Variants in MACF1 observed in about 807,000 individuals in gnomAD.
The protein encoded by MACF1 is microtubule actin crosslinking factor 1.
MACF1 carries 193 observed loss-of-function variants against 854.8 expected under a neutral mutation model. That is an observed-to-expected ratio of 0.23 (90% CI 0.20 to 0.25). The LOEUF is 0.25. Ranked by LOEUF, MACF1 falls within the 10% of genes least tolerant of loss-of-function variation. MACF1 has a pLI of 1.00. For synonymous variants in MACF1, 3,185 were observed against 3,226.7 expected, an observed-to-expected ratio of 0.99 and a Z score of 0.44; for missense variants, 7,722 against 8,929.1, an observed-to-expected ratio of 0.86 and a Z score of 5.45.
At chr1:39,370,511 T>G (rs1476345072) in intron 51 of MACF1, among the ~76,000 whole-genome samples, 55 of 152,218 alleles carry the variant, frequency 3.6e-4, no homozygotes, top group Non-Finnish European at 4.4e-5. Flanking sequence ...GGAAGGTACC[T>G]TCAAGGATGG....
In MACF1 at chr1:39,460,870, T is replaced by A; in HGVS notation, c.21523+76T>A. 1 of 1,531,060 alleles carries A rather than the reference T, an allele frequency of 6.5e-7. No homozygotes were observed. The highest frequency in any genetic ancestry group is 9.0e-7 in the Non-Finnish European group (1 of 1,111,292). The allele number at this position is 1,531,060 out of a possible 1,614,324, so 94.8% of individuals were successfully genotyped here. Reference sequence around the variant, plus strand: ...TTTGTAGAAGCTGTGATATTCTAGCTAAACAGTCTTTCTGAAGCTGGCCAG... The same window carrying A: ...TTTGTAGAAGCTGTGATATTCTAGCAAAACAGTCTTTCTGAAGCTGGCCAG... On this transcript the variant is annotated intron_variant, in intron 92 of 100. Coordinates refer to ENST00000564288, the MANE Select transcript of MACF1 (RefSeq NM_001394062.1). The surrounding 1 kb of genome is among the most constrained non-coding windows in gnomAD (Gnocchi z 4.1).
chr1:39,105,571 G>T lies in MACF1; in HGVS notation c.220+21133G>T. The stretch of plus-strand genomic sequence containing the variant: ...TGGGGCCGCCGCCGCCTCAGCGCGC[G>T]GGCCTGGAACCGGCAGCCCCCGGGG... On this transcript the variant is annotated intron_variant, in intron 2 of 93. Coordinates refer to the MACF1 transcript ENST00000361689. The surrounding 1 kb of genome is among the most constrained non-coding windows in gnomAD (Gnocchi z 5.9). 9.0e-7 allele frequency: 1 copy of T among 1,117,246 alleles called. No homozygotes were observed. The highest frequency in any genetic ancestry group is 1.1e-6 in the Non-Finnish European group (1 of 907,122). The allele number at this position is 1,117,246 out of a possible 1,614,324, so 69.2% of individuals were successfully genotyped here.
intron 56 of MACF1, among the ~76,000 whole-genome samples, chr1:39,384,779 C>G (rs1293720521): frequency 6.6e-6 from 1 of 152,174 alleles, no homozygotes; most frequent in Admixed American, 6.5e-5. Context: ...ATCCAGTGTT[C>G]TGAACTCCCA....
intron 58 of MACF1, among the ~76,000 whole-genome samples, chr1:39,414,703 A>C (rs1643220802): frequency 6.6e-6 from 1 of 152,268 alleles, no homozygotes; most frequent in South Asian, 2.1e-4. Flanking sequence ...CAGATAAGCC[A>C]ATCCCACGGA....
chr1:39,473,461 T>C (rs1644815682), intron 97 of MACF1, among the ~76,000 whole-genome samples: 1 of 152,220 alleles, frequency 6.6e-6, no homozygotes, highest in Non-Finnish European at 1.5e-5. Context: ...ATAGTAGGTG[T>C]TGGCAGTCAC....
Position 39,297,599 on chromosome 1 carries a change from CCTTA to C in MACF1, c.2356-17_2356-14del, listed in dbSNP as rs1557572122. ...TTCTAATGTTTTGAGCAGAAGGCAT[CCTTA>C]CTTTGTATTCCCATAGTTCTTCAGT... On this transcript the variant is annotated splice_polypyrimidine_tract_variant and intron_variant, in intron 20 of 100. Coordinates refer to ENST00000564288, the MANE Select transcript of MACF1 (RefSeq NM_001394062.1). 1 of 1,613,926 alleles carries C rather than the reference CCTTA, an allele frequency of 6.2e-7. No homozygotes were observed. The highest frequency in any genetic ancestry group is 1.7e-5 in the Admixed American group (1 of 60,020).
chr1:39,249,902 T>C, intron 2 of MACF1, 112 bp from the exon 3 acceptor site: 1 of 573,664 alleles, frequency 1.7e-6, no homozygotes, highest in Non-Finnish European at 3.1e-6. Flanking sequence ...TAATTGTTGC[T>C]TCCACTTTTA....
chr1:39,441,271 A>T lies in MACF1; in HGVS notation c.18618A>T (p.Leu6206=). The stretch of plus-strand genomic sequence containing the variant: ...TAAACAAAACATGGAAAGAGAGGCT[A>T]GAAAAACTTGAGGATGCTATGCAAG... ...ENLNKTWKER[L]EKLEDAMQAA... is the part of the protein sequence containing the mutation. The change falls in exon 74 of 101, where the codon CTA becomes CTT. Residue 6206 remains leucine (L), a synonymous_variant. Transcript: ENST00000564288. 6.2e-7 allele frequency: 1 copy of T among 1,614,182 alleles called. No individual in the cohort carries two copies. The highest frequency in any genetic ancestry group is 1.3e-5 in the African/African-American group (1 of 75,066).
intron 74 of MACF1, among the ~76,000 whole-genome samples, 172 bp downstream of exon 74, chr1:39,441,497 G>A (rs1330463222): frequency 1.3e-5 from 2 of 152,162 alleles, no homozygotes; most frequent in African/African-American, 2.4e-5. Context: ...AAAAAGTAGC[G>A]ACATCTGTCT....
chr1:39,122,634 C>T (rs1318872894), intron 2 of MACF1, among the ~76,000 whole-genome samples: 2 of 152,104 alleles, frequency 1.3e-5, no homozygotes, highest in African/African-American at 4.8e-5. Context: ...GGATTAAACC[C>T]AGTTGAAATC....
Position 39,358,677 on chromosome 1 carries a change from C to T in MACF1, c.11944-20C>T. The T allele has an allele frequency of 6.2e-7, 1 of 1,611,762 alleles. No homozygotes were observed. The highest frequency in any genetic ancestry group is 8.5e-7 in the Non-Finnish European group (1 of 1,179,390). ...GCCTGACCTTGCTTAAGTCTGCTTA[C>T]CTTTCTTTCTCTGGCACAGTGTACA... is the stretch of plus-strand genomic sequence containing the variant. On this transcript the variant is annotated intron_variant, in intron 45 of 100. Coordinates refer to ENST00000564288, the MANE Select transcript of MACF1 (RefSeq NM_001394062.1).
chr1:39,315,752 AG>A, intron 27 of MACF1, 61 bp downstream of exon 27: 2 of 1,508,690 alleles, frequency 1.3e-6, no homozygotes, highest in Non-Finnish European at 1.8e-6. Context: ...AGAAAGAGAA[AG>A]GCTTAAAGTA....
At chr1:39,451,579 A>G (rs1456742610) in intron 85 of MACF1, among the ~76,000 whole-genome samples, 3 of 152,074 alleles carry the variant, frequency 2.0e-5, no homozygotes, top group African/African-American at 7.2e-5. Context: ...TCTGAACCTA[A>G]CAATCCTAAC....
rs1643932126 is a variant in MACF1 at position 39,434,606 on chromosome 1, C to T, written c.17758C>T (p.Leu5920Phe). 7 of 1,614,098 alleles carry T rather than the reference C, an allele frequency of 4.3e-6. No homozygotes were observed. The highest frequency in any genetic ancestry group is 5.9e-6 in the Non-Finnish European group (7 of 1,179,986). ...CTCTCCAGCCATTGATCATGAGCAGCTCAGGCAGCAACAAGAGGAAATGAG... is the reference window on the plus strand; with the variant it reads ...CTCTCCAGCCATTGATCATGAGCAGTTCAGGCAGCAACAAGAGGAAATGAG... The part of the protein sequence containing the change: ...LPSPAIDHEQ[L>F]RQQQEEMRQL... Residue 5920 changes from leucine (L) to phenylalanine (F), a missense_variant, in exon 69 of 101, where the codon CTC becomes TTC. Leu to Phe is a conservative substitution (Grantham distance 22). Around this residue, in one of 15 missense-constraint regions of MACF1, gnomAD observed 2,807 missense variants for 3,235.8 expected, o/e 0.87. Coordinates refer to ENST00000564288, the MANE Select transcript of MACF1 (RefSeq NM_001394062.1).
At chr1:39,287,072 T>C (rs944139192) in intron 14 of MACF1, among the ~76,000 whole-genome samples, 3 of 151,946 alleles carry the variant, frequency 2.0e-5, no homozygotes, top group Admixed American at 2.0e-4. Context: ...GCAATTCTCC[T>C]ACCTCAGCCT....
chr1:39,437,653 G>T (rs1644010584), intron 70 of MACF1, 124 bp from the exon 71 acceptor site: 2 of 845,074 alleles, frequency 2.4e-6, no homozygotes, highest in African/African-American at 1.7e-5. Flanking sequence ...AATAGCCATT[G>T]GGCTAAACTG....
chr1:39,103,220 C>A, intron 2 of MACF1: 1 of 349,790 alleles, frequency 2.9e-6, no homozygotes, highest in South Asian at 2.3e-5. Context: ...GGACTCTTCC[C>A]CTTTTTGCCC....
Position 39,334,079 on chromosome 1 carries a change from G to C in MACF1, c.7491G>C (p.Leu2497Phe), listed in dbSNP as rs1399831678. Residue 2497 changes from leucine to phenylalanine, a missense_variant, in exon 37 of 101, where the codon TTG becomes TTC. This residue lies in a region of MACF1 where 1,531 missense variants were observed against 1,601.6 expected (regional missense o/e 0.96). Coordinates refer to ENST00000564288, the MANE Select transcript of MACF1 (RefSeq NM_001394062.1). ...GLLEREEAVRLLTKQVVDGGI... is the reference protein window; with the variant it reads ...GLLEREEAVRFLTKQVVDGGI... ...TGGAGAGAGAGGAGGCCGTTCGTTT[G>C]TTGACTAAGCAAGTGGTAGATGGAG... 1 of 1,614,170 alleles carries C rather than the reference G, an allele frequency of 6.2e-7. No individual in the cohort carries two copies. Among genetic ancestry groups the C allele is most frequent in the Non-Finnish European group, 8.5e-7 (1 of 1,180,024 alleles).
intron 4 of MACF1, among the ~76,000 whole-genome samples, chr1:39,253,921 G>A (rs769991031): frequency 6.6e-6 from 1 of 152,184 alleles, no homozygotes; most frequent in Non-Finnish European, 1.5e-5. Context: ...CTCTACGATA[G>A]CATTTAACTG....
Sources: allele counts gnomAD v4.1 joint callset (sites outside exome capture counted in the v4.1 genomes callset), GRCh38; gene constraint gnomAD v4.1.1; regional missense constraint gnomAD v4.1.1; non-coding constraint Gnocchi (gnomAD v3.1); transcripts MANE v1.5; gene names NCBI Gene and HGNC (gene_info 2026-07-23, HGNC 2026-07-21).